Variants in SHROOM3 observed in about 807,000 individuals in gnomAD.
The protein encoded by SHROOM3 is protein Shroom3.
A neutral mutation model predicts 138.6 loss-of-function variants in SHROOM3; 47 were observed. The observed-to-expected ratio is 0.34, with a 90% CI of 0.27 to 0.43. SHROOM3 has a LOEUF of 0.43. SHROOM3 is among the 20% of genes least tolerant of loss of function. The pLI, the probability that SHROOM3 is intolerant of heterozygous loss-of-function variation, is 1.00. For synonymous variants in SHROOM3, 1,062 were observed against 1,063.3 expected (o/e 1.00, Z 0.02); for missense variants, 2,491 against 2,596.5 (o/e 0.96, Z 0.88).
At chr4:76,773,196 A>G (rs530627605) in intron 10 of SHROOM3, among the ~76,000 whole-genome samples, 61 of 152,132 alleles carry the variant, frequency 4.0e-4, no homozygotes, top group African/African-American at 1.3e-3. Context: ...CCAACATGGC[A>G]AAACCTCCTC....
At chr4:76,484,642 G>A (rs1476179061) in intron 1 of SHROOM3, among the ~76,000 whole-genome samples, 18 of 152,180 alleles carry the variant, frequency 1.2e-4, no homozygotes, top group Admixed American at 8.5e-4. Context: ...ACAGTTTAGC[G>A]GAAGCAGCCT....
Position 76,738,924 on chromosome 4 carries a change from C to G in SHROOM3, c.751C>G (p.His251Asp). The G allele has an allele frequency of 6.2e-7, 1 of 1,614,240 alleles. No homozygotes were observed. Among genetic ancestry groups the G allele is most frequent in the Non-Finnish European group, 8.5e-7 (1 of 1,180,048 alleles). ...KSTGSIDQLS[H>D]FHNKRDSAYS... ...CACCGGCAGCATTGACCAGCTCAGC[C>G]ACTTCCATAACAAGAGAGACTCGGC... is the stretch of plus-strand genomic sequence containing the variant. The change falls in exon 5 of 11, where the codon CAC (histidine) becomes GAC (aspartate). Residue 251 changes from histidine to aspartate, a missense_variant. Around this residue, in one of 4 missense-constraint regions of SHROOM3, gnomAD observed 284 missense variants for 322.8 expected, o/e 0.88. Coordinates refer to ENST00000296043, the MANE Select transcript of SHROOM3 (RefSeq NM_020859.4).
intron 2 of SHROOM3, among the ~76,000 whole-genome samples, chr4:76,570,626 T>C (rs1042831906): frequency 2.0e-5 from 3 of 152,234 alleles, no homozygotes; most frequent in African/African-American, 7.2e-5. Flanking sequence ...TCTTTCGTTT[T>C]GTTTAATCTG....
At position 76,508,128 on chromosome 4, in the gene SHROOM3, T is replaced by C. The variant is rs555491555; in HGVS notation, c.169-47481T>C. 1.6e-4 allele frequency among the ~76,000 whole-genome samples: 25 copies of C among 152,318 alleles called. No homozygotes were observed. The South Asian group carries it at 5.2e-3, about 32-fold the overall frequency. On this transcript the variant is annotated intron_variant, in intron 1 of 10. Transcript: ENST00000296043. ...TTTTGTAATCGTATTCGAGAAACCATTGTCTGATTCCAGGTCATGAAGATT... is the reference window on the plus strand; with the variant it reads ...TTTTGTAATCGTATTCGAGAAACCACTGTCTGATTCCAGGTCATGAAGATT...
chr4:76,740,704 G>A lies in SHROOM3; in HGVS notation c.2531G>A (p.Gly844Glu). 1.2e-6 allele frequency: 2 copies of A among 1,613,848 alleles called. No individual in the cohort carries two copies. The highest frequency in any genetic ancestry group is 2.2e-5 in the East Asian group (1 of 44,866). The change falls in exon 5 of 11, where the codon GGG (glycine) becomes GAG (glutamate). Residue 844 changes from glycine to glutamate, a missense_variant. This residue lies in a region of SHROOM3 where 1,733 missense variants were observed against 1,661.6 expected (regional missense o/e 1.04). Coordinates refer to ENST00000296043, the MANE Select transcript of SHROOM3 (RefSeq NM_020859.4). This position sits in a 1 kb window ranked among gnomAD's most constrained non-coding sequence, Gnocchi z 4.0. ...FSESAEPLGN[G>E]EQHFKNGELK... ...GAGTCAGCTGAACCCCTAGGCAACG[G>A]GGAGCAGCACTTCAAAAACGGGGAG...
chr4:76,593,633 TA>T (rs956692958), intron 2 of SHROOM3, among the ~76,000 whole-genome samples: 4 of 152,222 alleles, frequency 2.6e-5, no homozygotes, highest in Non-Finnish European at 5.9e-5. Flanking sequence ...AAACTCTTTT[TA>T]AAAATTTGGG....
chr4:76,544,039 C>T (rs1474241593), intron 1 of SHROOM3, among the ~76,000 whole-genome samples: 8 of 152,162 alleles, frequency 5.3e-5, no homozygotes, highest in Admixed American at 2.6e-4. Flanking sequence ...ACAACAACTT[C>T]CTGTTTTTAT....
At position 76,779,112 on chromosome 4, in the gene SHROOM3, G is replaced by A. The variant is rs267600266; in HGVS notation, c.5926G>A (p.Glu1976Lys). The A allele has an allele frequency of 1.9e-6, 3 of 1,614,068 alleles. No individual in the cohort carries two copies. The East Asian group carries it at 6.7e-5, about 36-fold the overall frequency. The change falls in exon 11 of 11, where the codon GAG becomes AAG. Residue 1976 changes from glutamate to lysine, a missense_variant. By Grantham distance (56) the Glu-to-Lys change is moderately conservative (BLOSUM62 1). Around this residue, in one of 4 missense-constraint regions of SHROOM3, gnomAD observed 470 missense variants for 595.0 expected, o/e 0.79. Coordinates refer to ENST00000296043, the MANE Select transcript of SHROOM3 (RefSeq NM_020859.4). ...ALALPPNLTS[E>K]PIPAGGCTFS... The stretch of plus-strand genomic sequence containing the variant: ...GGCTCTGCCCCCAAACCTCACGAGT[G>A]AGCCCATTCCTGCTGGGGGCTGTAC...
intron 2 of SHROOM3, chr4:76,645,513 T>G (rs955320567): frequency 1.3e-5 from 2 of 152,208 alleles, no homozygotes; most frequent in African/African-American, 4.8e-5. Flanking sequence ...GCACAACACA[T>G]GCAGAAATTT....
At chr4:76,460,330 A>T (rs1468693473) in intron 1 of SHROOM3, among the ~76,000 whole-genome samples, 1 of 152,196 alleles carries the variant, frequency 6.6e-6, no homozygotes, top group African/African-American at 2.4e-5. Context: ...TAAAAGCACA[A>T]GCTGTAGAGC....
chr4:76,564,003 A>G (rs1163539417), intron 2 of SHROOM3, among the ~76,000 whole-genome samples: 1 of 152,218 alleles, frequency 6.6e-6, no homozygotes, highest in East Asian at 1.9e-4. Context: ...CATGGCAGGC[A>G]GTACCACTCT....
intron 10 of SHROOM3, among the ~76,000 whole-genome samples, chr4:76,776,785 A>C (rs1214510012): frequency 6.6e-6 from 1 of 152,182 alleles, no homozygotes; most frequent in Non-Finnish European, 1.5e-5. Context: ...GTAAGGTGAG[A>C]GATGAGGATC....
intron 1 of SHROOM3, among the ~76,000 whole-genome samples, chr4:76,494,902 C>T (rs1014872365): frequency 1.1e-4 from 16 of 152,124 alleles, no homozygotes; most frequent in African/African-American, 3.6e-4. Context: ...AATTCAAAGG[C>T]CTGTTCTGTT....
intron 2 of SHROOM3, chr4:76,689,717 C>G: frequency 1.0e-6 from 1 of 985,576 alleles, no homozygotes; most frequent in Non-Finnish European, 1.2e-6. Flanking sequence ...GTGAGGAGGG[C>G]GGCTGGGCAC....
At chr4:76,670,567 G>A (rs1426507469) in intron 2 of SHROOM3, among the ~76,000 whole-genome samples, 1 of 151,866 alleles carries the variant, frequency 6.6e-6, no homozygotes, top group Admixed American at 6.6e-5. Context: ...TTTAAAAAAG[G>A]CATTTTATTT....
chr4:76,752,471 TTTC>T (rs1721659348), intron 6 of SHROOM3, among the ~76,000 whole-genome samples: 1 of 152,294 alleles, frequency 6.6e-6, no homozygotes, highest in South Asian at 2.1e-4. Flanking sequence ...AAAAATGCTT[TTTC>T]TTTTTTTTTT....
intron 7 of SHROOM3, 25 bp from the exon 8 acceptor site, chr4:76,756,424 T>TA (rs1721816944): frequency 6.4e-7 from 1 of 1,558,770 alleles, no homozygotes; most frequent in African/African-American, 1.4e-5. Flanking sequence ...TCTCTTTTTT[T>TA]TTTTTTTTTA....
At chr4:76,453,536 G>T (rs1053596879) in intron 1 of SHROOM3, among the ~76,000 whole-genome samples, 12 of 151,934 alleles carry the variant, frequency 7.9e-5, no homozygotes, top group Non-Finnish European at 7.4e-5. Flanking sequence ...CAAAGTGCTG[G>T]GATGAGCCAC....
At chr4:76,493,728 C>T (rs1299651261) in intron 1 of SHROOM3, among the ~76,000 whole-genome samples, 1 of 152,188 alleles carries the variant, frequency 6.6e-6, no homozygotes, top group Non-Finnish European at 1.5e-5. Flanking sequence ...TGCCTGTAAT[C>T]CCAACATTTT....
Sources: gnomAD v4.1 joint callset for allele counts (sites outside exome capture counted in the v4.1 genomes callset) on GRCh38, gnomAD v4.1.1 for gene constraint, gnomAD v4.1.1 regional missense constraint, Gnocchi (gnomAD v3.1) non-coding constraint, MANE v1.5 for transcripts, NCBI Gene and HGNC (gene_info 2026-07-23, HGNC 2026-07-21) for gene names.